The following NEK7 variants were observed in gnomAD, a reference collection of about 807,000 sequenced individuals.
NEK7 encodes the protein NIMA related kinase 7, also known as serine/threonine-protein kinase Nek7.
A neutral mutation model predicts 44.6 loss-of-function variants in NEK7; 18 were observed. That is an observed-to-expected ratio of 0.40 (90% CI 0.28 to 0.60). NEK7 has a LOEUF of 0.60. NEK7 is among the 20% of genes least tolerant of loss of function. The probability of loss-of-function intolerance (pLI) is 0.38; values close to 1 mark genes in which losing one functional copy is unlikely to be tolerated. For missense variants in NEK7, 256 were observed against 366.5 expected, an observed-to-expected ratio of 0.70 and a Z score of 2.46; for synonymous variants, 130 against 121.1, an observed-to-expected ratio of 1.07 and a Z score of -0.48.
intron 1 of NEK7, among the ~76,000 whole-genome samples, chr1:198,182,442 A>T (rs1305489042): frequency 2.0e-5 from 3 of 151,780 alleles, no homozygotes; most frequent in African/African-American, 7.3e-5. Flanking sequence ...TGCGCATGTG[A>T]GAGAGAGAGA....
At chr1:198,233,017 G>A (rs1302151548) in intron 2 of NEK7, among the ~76,000 whole-genome samples, 1 of 151,674 alleles carries the variant, frequency 6.6e-6, no homozygotes, top group East Asian at 1.9e-4. Flanking sequence ...AAACAAAAAG[G>A]CAGCTTTAGC....
intron 9 of NEK7, among the ~76,000 whole-genome samples, chr1:198,311,061 T>C (rs1289466247): frequency 6.7e-6 from 1 of 149,514 alleles, no homozygotes; most frequent in Non-Finnish European, 1.5e-5. Context: ...TGATTCTTCC[T>C]ACCCACGAGC....
intron 2 of NEK7, among the ~76,000 whole-genome samples, chr1:198,241,654 A>C (rs1355883413): frequency 6.6e-6 from 1 of 152,220 alleles, no homozygotes; most frequent in African/African-American, 2.4e-5. Context: ...GGGTTAGAGC[A>C]TGAGCTCTGA....
At chr1:198,314,404 T>G (rs1308093224) in intron 9 of NEK7, among the ~76,000 whole-genome samples, 1 of 152,224 alleles carries the variant, frequency 6.6e-6, no homozygotes, top group East Asian at 1.9e-4. Flanking sequence ...CGGAGTAATT[T>G]GATCGTCTGA....
chr1:198,301,175 T>C (rs894758705), intron 9 of NEK7, among the ~76,000 whole-genome samples: 1 of 152,262 alleles, frequency 6.6e-6, no homozygotes, highest in African/African-American at 2.4e-5. Context: ...CAATACTTTT[T>C]ATTTGTTATT....
At position 198,163,935 on chromosome 1, in the gene NEK7, T is replaced by C. The variant is rs187373288; in HGVS notation, c.-29+6659T>C. 2.7e-3 allele frequency among the ~76,000 whole-genome samples: 406 copies of C among 152,330 alleles called. 1 individual carries two copies. Among genetic ancestry groups the C allele is most frequent in the South Asian group, 5.6e-3 (27 of 4,822 alleles). ...GTTTTCACCTTCACTTTTATGGCTT[T>C]GAGTATTTACAATATCAGCTGTTGG... On this transcript the variant is annotated intron_variant, in intron 1 of 9. Transcript: ENST00000367385.
At chr1:198,203,309 C>T (rs1665491412) in intron 1 of NEK7, among the ~76,000 whole-genome samples, 1 of 152,076 alleles carries the variant, frequency 6.6e-6, no homozygotes, top group African/African-American at 2.4e-5. Flanking sequence ...AAAGAAAAAT[C>T]TTTTGTATAA....
At chr1:198,224,677 G>C (rs1411996118) in intron 1 of NEK7, among the ~76,000 whole-genome samples, 1 of 151,868 alleles carries the variant, frequency 6.6e-6, no homozygotes, top group Non-Finnish European at 1.5e-5. Context: ...ATGGGCTTAT[G>C]TTATTGGTAA....
rs570216782 is a variant in NEK7, at chr1:198,291,293, C to A, written c.590-1652C>A. Among the ~76,000 whole-genome samples the A allele has an allele frequency of 1.6e-3, 246 of 152,280 alleles. 1 individual carries two copies. The highest frequency in any genetic ancestry group is 2.8e-3 in the Non-Finnish European group (191 of 68,006). On this transcript the variant is annotated intron_variant, in intron 7 of 9. Transcript: ENST00000367385. Reference sequence around the variant, plus strand: ...TTATGTCCTGAAACCAGGAGCAGAGCCTGTTTATTATTCCAACTGTACCTA... The same window carrying A: ...TTATGTCCTGAAACCAGGAGCAGAGACTGTTTATTATTCCAACTGTACCTA...
intron 1 of NEK7, among the ~76,000 whole-genome samples, chr1:198,170,470 A>T (rs1200927287): frequency 6.6e-6 from 1 of 152,186 alleles, no homozygotes; most frequent in Non-Finnish European, 1.5e-5. Context: ...GAGTATACTT[A>T]AATTTCCTTT....
chr1:198,273,727 T>C (rs1384013738), intron 5 of NEK7, among the ~76,000 whole-genome samples: 1 of 151,784 alleles, frequency 6.6e-6, no homozygotes, highest in African/African-American at 2.4e-5. Flanking sequence ...GAGGTTTTTT[T>C]GTTGTTGCTT....
intron 9 of NEK7, among the ~76,000 whole-genome samples, chr1:198,315,839 G>T (rs574326254): frequency 6.6e-6 from 1 of 152,138 alleles, no homozygotes; most frequent in South Asian, 2.1e-4. Flanking sequence ...GAATATTTAC[G>T]TGCAGCTCTA....
intron 1 of NEK7, among the ~76,000 whole-genome samples, chr1:198,161,631 G>T (rs546173945): frequency 1.3e-5 from 2 of 152,042 alleles, no homozygotes; most frequent in African/African-American, 4.8e-5. Context: ...CCCAAATTTT[G>T]TGTTTCATTT....
At chr1:198,211,746 C>T (rs959291491) in intron 1 of NEK7, among the ~76,000 whole-genome samples, 1 of 151,984 alleles carries the variant, frequency 6.6e-6, no homozygotes, top group Non-Finnish European at 1.5e-5. Flanking sequence ...CTGGAGGCAT[C>T]GTTAGCATGC....
rs1172981677 is a variant in NEK7 at position 198,321,830 on chromosome 1, A to C, written c.*2308A>C. ...TATAAAATGTTCTTTATATGTGTTC[A>C]TAAGTAAATTTTATATTGATTAAGT... On this transcript the variant is annotated 3_prime_UTR_variant, in exon 10 of 10. Transcript: ENST00000367385. 6.6e-6 allele frequency: 1 copy of C among 152,140 alleles called. No individual in the cohort carries two copies. The highest frequency in any genetic ancestry group is 1.5e-5 in the Non-Finnish European group (1 of 67,964). The allele number at this position is 152,140 out of a possible 1,614,324, so 9.4% of individuals were successfully genotyped here. A position where few individuals can be genotyped will look rare whatever the true frequency, so the allele number is the denominator to read the frequency against.
intron 1 of NEK7, among the ~76,000 whole-genome samples, chr1:198,229,117 T>G (rs1666313188): frequency 6.6e-6 from 1 of 152,184 alleles, no homozygotes; most frequent in Non-Finnish European, 1.5e-5. Context: ...AGTCTGTTAG[T>G]ATTTGATCAT....
chr1:198,225,424 G>A (rs971264815), intron 1 of NEK7, among the ~76,000 whole-genome samples: 1 of 152,044 alleles, frequency 6.6e-6, no homozygotes, highest in African/African-American at 2.4e-5. Flanking sequence ...CCCTCATGAT[G>A]GCTCTCGTCA....
chr1:198,229,741 A>G (rs1666331745), intron 1 of NEK7, among the ~76,000 whole-genome samples: 1 of 152,230 alleles, frequency 6.6e-6, no homozygotes, highest in Non-Finnish European at 1.5e-5. Flanking sequence ...GTTTACATTC[A>G]ATATGAGAAA....
At chr1:198,171,772 TC>T (rs1461293784) in intron 1 of NEK7, among the ~76,000 whole-genome samples, 2 of 152,300 alleles carry the variant, frequency 1.3e-5, no homozygotes, top group East Asian at 3.9e-4. Flanking sequence ...TGGTTGTAGT[TC>T]CCTAGTTATC....
Sources: allele counts gnomAD v4.1 joint callset (sites outside exome capture counted in the v4.1 genomes callset), GRCh38; gene constraint gnomAD v4.1.1; transcripts MANE v1.5; gene names NCBI Gene and HGNC (gene_info 2026-07-23, HGNC 2026-07-21).